Variants in TCHP observed in about 807,000 individuals in gnomAD.
TCHP encodes the protein trichoplein keratin filament binding.
TCHP carries 81 observed loss-of-function variants against 88.7 expected under a neutral mutation model. The ratio of observed to expected loss-of-function variants is 0.91; its 90% CI spans 0.76 to 1.10. The LOEUF (loss-of-function observed/expected upper bound fraction) is 1.10, where lower values mean the gene tolerates loss of function less well. TCHP is among the 50% of genes least tolerant of loss of function. The probability of loss-of-function intolerance (pLI) is 0.00; values close to 1 mark genes in which losing one functional copy is unlikely to be tolerated. For synonymous variants in TCHP, 232 were observed against 232.5 expected, an observed-to-expected ratio of 1.00 and a Z score of 0.02; for missense variants, 641 against 632.1, an observed-to-expected ratio of 1.01 and a Z score of -0.15.
At chr12:109,897,561 T>C (rs149149165), upstream of TCHP, among the ~76,000 whole-genome samples, 1,031 of 148,948 alleles carry the variant, frequency 6.9e-3, 1 homozygote, top group Non-Finnish European at 9.5e-3. Flanking sequence ...TTTCTTTCTT[T>C]CTTTCTTTTT....
chr12:109,883,681 G>A, the TCHP span, among the ~76,000 whole-genome samples: 1 of 152,206 alleles, frequency 6.6e-6, no homozygotes, highest in South Asian at 2.1e-4. Flanking sequence ...CCCTATGTGG[G>A]GACCTCTGGC....
chr12:109,884,871 T>C, the TCHP span, among the ~76,000 whole-genome samples: 1 of 152,232 alleles, frequency 6.6e-6, no homozygotes, highest in South Asian at 2.1e-4. Flanking sequence ...AGAATCACAG[T>C]ACATCCATCC....
At chr12:109,884,752 A>G in the TCHP span, among the ~76,000 whole-genome samples, 4 of 152,218 alleles carry the variant, frequency 2.6e-5, no homozygotes, top group Admixed American at 2.6e-4. Flanking sequence ...TTACAACTAC[A>G]GTCACAAGGT....
chr12:109,912,396 T>C (rs1870556526), intron 9 of TCHP, among the ~76,000 whole-genome samples: 1 of 152,214 alleles, frequency 6.6e-6, no homozygotes, highest in Admixed American at 6.5e-5. Flanking sequence ...CTCCTCTCCA[T>C]GTTCTGATGG....
chr12:109,904,763 C>G lies in TCHP; in HGVS notation c.426C>G (p.His142Gln). Reference sequence around the variant, plus strand: ...TTGCTGAACAACTTTTGTACGAACACTGGAAAAAGAACAACCCGAAACTTC... The same window carrying G: ...TTGCTGAACAACTTTTGTACGAACAGTGGAAAAAGAACAACCCGAAACTTC... ...KLIAEQLLYE[H>Q]WKKNNPKLRE... Residue 142 changes from histidine (H) to glutamine (Q), a missense_variant, in exon 4 of 13, where the codon CAC (histidine) becomes CAG (glutamine). Physicochemically the swap from His to Gln is conservative, Grantham distance 24 (BLOSUM62 0). Transcript: ENST00000405876. 6.2e-7 allele frequency: 1 copy of G among 1,613,568 alleles called. No individual in the cohort carries two copies. Among genetic ancestry groups the G allele is most frequent in the Non-Finnish European group, 8.5e-7 (1 of 1,179,880 alleles).
intron 10 of TCHP, among the ~76,000 whole-genome samples, chr12:109,913,746 C>A (rs1272871154): frequency 6.6e-6 from 1 of 152,152 alleles, no homozygotes; most frequent in Non-Finnish European, 1.5e-5. Flanking sequence ...AGAAACTCTA[C>A]GTTGTGTCTG....
intron 5 of TCHP, 99 bp from the exon 6 acceptor site, chr12:109,907,427 A>G: frequency 8.0e-7 from 1 of 1,257,308 alleles, no homozygotes; most frequent in Non-Finnish European, 1.1e-6. Context: ...TCAGGCAGGA[A>G]CTGCCTGGGC....
upstream of TCHP, among the ~76,000 whole-genome samples, chr12:109,898,538 C>A (rs78942584): frequency 7.9e-4 from 121 of 152,246 alleles, 1 homozygote; most frequent in East Asian, 0.022. Flanking sequence ...TACTCTCATT[C>A]CATGGACTAG....
chr12:109,890,300 C>CAA, the TCHP span, among the ~76,000 whole-genome samples: 1 of 89,304 alleles, frequency 1.1e-5, no homozygotes, highest in African/African-American at 3.4e-5. Context: ...CTCATCTCTA[C>CAA]AAAAAAAAAA....
chr12:109,888,361 T>C, the TCHP span: 2 of 152,238 alleles, frequency 1.3e-5, no homozygotes, highest in Admixed American at 6.5e-5. Flanking sequence ...TTTGGATTGT[T>C]GGGTCACTGT....
the TCHP span, among the ~76,000 whole-genome samples, chr12:109,881,566 G>A: frequency 6.6e-6 from 1 of 152,204 alleles, no homozygotes; most frequent in Admixed American, 6.5e-5. Flanking sequence ...CTCCCAAACT[G>A]TGGGGTGGAC....
chr12:109,897,894 T>A (rs1297629123), upstream of TCHP, among the ~76,000 whole-genome samples: 1 of 152,100 alleles, frequency 6.6e-6, no homozygotes, highest in Non-Finnish European at 1.5e-5. Flanking sequence ...TCGACAGACA[T>A]TTATGTGTTG....
At chr12:109,915,310 T>G (rs1806503196) in intron 11 of TCHP, 93 bp from the exon 12 acceptor site, 1 of 1,576,504 alleles carries the variant, frequency 6.3e-7, no homozygotes, top group Non-Finnish European at 8.7e-7. Context: ...TTCTCCAGTC[T>G]GGGTAGGGCC....
chr12:109,885,638 C>T, the TCHP span, among the ~76,000 whole-genome samples: 8 of 152,160 alleles, frequency 5.3e-5, no homozygotes, highest in African/African-American at 1.4e-4. Flanking sequence ...CTCACCATCA[C>T]GCCCAGCTAA....
the TCHP span, among the ~76,000 whole-genome samples, chr12:109,891,149 TG>T: frequency 6.6e-6 from 1 of 152,238 alleles, no homozygotes; most frequent in Non-Finnish European, 1.5e-5. Context: ...GTAAACTACC[TG>T]TACAGTTTTG....
At chr12:109,887,757 G>A in the TCHP span, 1 of 152,216 alleles carries the variant, frequency 6.6e-6, no homozygotes. Flanking sequence ...TTCCATTTGG[G>A]ATCTGACACC....
At chr12:109,894,765 CAAA>C in the TCHP span, among the ~76,000 whole-genome samples, 13 of 74,166 alleles carry the variant, frequency 1.8e-4, no homozygotes, top group Admixed American at 1.6e-4. Flanking sequence ...AACTCTGTCC[CAAA>C]AAAAAAAAAA....
In TCHP at chr12:109,903,279, C is replaced by T. The variant is rs923050756; in HGVS notation, c.188+65C>T. 2.0e-6 allele frequency: 3 copies of T among 1,497,734 alleles called. No individual in the cohort carries two copies. The Admixed American group carries it at 5.3e-5, about 27-fold the overall frequency. 92.8% of individuals were successfully genotyped at this position (1,497,734 alleles called of 1,614,324 possible). On this transcript the variant is annotated intron_variant, in intron 2 of 12. Transcript: ENST00000405876. This position sits in a 1 kb window ranked among gnomAD's most constrained non-coding sequence, Gnocchi z 4.6. The stretch of plus-strand genomic sequence containing the variant: ...CCACTTGCTGGTCAGGGGATGAGGC[C>T]TTAAGGATTTAGGGAGCGTAGGATT...
At chr12:109,899,084 G>T (rs1592902674), upstream of TCHP, among the ~76,000 whole-genome samples, 2 of 152,312 alleles carry the variant, frequency 1.3e-5, no homozygotes, top group Admixed American at 6.5e-5. Flanking sequence ...CTCCCAAAGT[G>T]CTGGGATTAC....
Sources: gnomAD v4.1 joint callset for allele counts (sites outside exome capture counted in the v4.1 genomes callset) on GRCh38, gnomAD v4.1.1 for gene constraint, Gnocchi (gnomAD v3.1) non-coding constraint, MANE v1.5 for transcripts, NCBI Gene and HGNC (gene_info 2026-07-23, HGNC 2026-07-21) for gene names.